Variants in LHCGR observed in about 807,000 individuals in gnomAD.
LHCGR encodes luteinizing hormone/choriogonadotropin receptor, also known as lutropin-choriogonadotropic hormone receptor.
A neutral mutation model predicts 60.7 loss-of-function variants in LHCGR; 55 were observed. The ratio of observed to expected loss-of-function variants is 0.91; its 90% CI spans 0.73 to 1.13. LHCGR has a LOEUF of 1.13. Ranked by LOEUF, LHCGR falls within the 50% of genes most tolerant of loss-of-function variation. The pLI is 0.00. For missense variants in LHCGR, 862 were observed against 836.0 expected, an observed-to-expected ratio of 1.03 and a Z score of -0.38; for synonymous variants, 337 against 316.5, an observed-to-expected ratio of 1.06 and a Z score of -0.69.
intron 8 of LHCGR, among the ~76,000 whole-genome samples, chr2:48,700,640 A>G (rs1667362089): frequency 6.6e-6 from 1 of 152,222 alleles, no homozygotes; most frequent in South Asian, 2.1e-4. Flanking sequence ...AGCTTGCTGT[A>G]ACAGCTCTGC....
intron 6 of LHCGR, chr2:48,721,684 A>T (rs1278341787): frequency 2.1e-6 from 1 of 471,096 alleles, no homozygotes; most frequent in East Asian, 6.9e-5. Context: ...TTTGCTTCAC[A>T]TCTATCTCTT....
chr2:48,707,133 C>T (rs1013990757), intron 8 of LHCGR, among the ~76,000 whole-genome samples: 2 of 152,146 alleles, frequency 1.3e-5, no homozygotes, highest in Non-Finnish European at 2.9e-5. Flanking sequence ...GTGAGTTTTC[C>T]TTCTAACAGT....
intron 6 of LHCGR, among the ~76,000 whole-genome samples, chr2:48,717,526 T>A (rs1668304174): frequency 6.6e-6 from 1 of 151,438 alleles, no homozygotes. Context: ...ATACAATAAA[T>A]GCTTAATGTG....
Position 48,688,246 on chromosome 2 carries a change from C to T in LHCGR, c.1551G>A (p.Met517Ile). The T allele has an allele frequency of 1.2e-6, 2 of 1,614,040 alleles. No homozygotes were observed. Among genetic ancestry groups the T allele is most frequent in the Non-Finnish European group, 1.7e-6 (2 of 1,179,964 alleles). Reference protein sequence around the residue: ...NYMKVSICFPMDVETTLSQVY... With the variant: ...NYMKVSICFPIDVETTLSQVY... ...CTTGTGAGAGAGTGGTTTCCACATC[C>T]ATGGGGAAGCAAATACTGACCTTCA... Residue 517 changes from methionine to isoleucine, a missense_variant, in exon 11 of 11, where the codon ATG becomes ATA. Transcript: ENST00000294954. The surrounding 1 kb of genome is among the most constrained non-coding windows in gnomAD (Gnocchi z 5.2).
At chr2:48,705,973 A>G (rs548661546) in intron 8 of LHCGR, among the ~76,000 whole-genome samples, 21 of 152,156 alleles carry the variant, frequency 1.4e-4, no homozygotes, top group Non-Finnish European at 1.5e-5. Context: ...TAGTTGATGC[A>G]GTTTCTTCAT....
intron 1 of LHCGR, among the ~76,000 whole-genome samples, chr2:48,739,107 A>G (rs1246143406): frequency 6.6e-6 from 1 of 152,230 alleles, no homozygotes; most frequent in Non-Finnish European, 1.5e-5. Flanking sequence ...CAAAACCACA[A>G]TGAGATACCA....
intron 10 of LHCGR, among the ~76,000 whole-genome samples, chr2:48,693,666 G>A (rs1666972337): frequency 6.6e-6 from 1 of 152,206 alleles, no homozygotes; most frequent in South Asian, 2.1e-4. Context: ...GAAGATAAGT[G>A]AAATGCCAAG....
chr2:48,698,088 G>T (rs1421400535), intron 9 of LHCGR, among the ~76,000 whole-genome samples: 1 of 152,144 alleles, frequency 6.6e-6, no homozygotes, highest in Non-Finnish European at 1.5e-5. Context: ...AACCATGCAG[G>T]AGCTCCTTCC....
chr2:48,737,935 G>A (rs1260392950), intron 1 of LHCGR, among the ~76,000 whole-genome samples: 2 of 152,174 alleles, frequency 1.3e-5, no homozygotes, highest in African/African-American at 4.8e-5. Context: ...GCAATTCAGA[G>A]GCAGATCTGG....
intron 8 of LHCGR, among the ~76,000 whole-genome samples, chr2:48,704,067 T>C (rs1667541171): frequency 6.6e-6 from 1 of 152,242 alleles, no homozygotes. Flanking sequence ...ATTCCATAAA[T>C]ACCTAGTTTA....
intron 1 of LHCGR, among the ~76,000 whole-genome samples, chr2:48,743,926 A>G (rs1324403910): frequency 6.6e-6 from 1 of 151,300 alleles, no homozygotes. Flanking sequence ...AGACGACGTG[A>G]TTGTATATCT....
At position 48,694,210 on chromosome 2, in the gene LHCGR, A is replaced by C; in HGVS notation, c.947+14T>G. The C allele has an allele frequency of 6.9e-7, 1 of 1,443,662 alleles. No individual in the cohort carries two copies. The highest frequency in any genetic ancestry group is 9.7e-7 in the Non-Finnish European group (1 of 1,030,660). 89.4% of individuals were successfully genotyped at this position (1,443,662 alleles called of 1,614,324 possible). A position where few individuals can be genotyped will look rare whatever the true frequency, so the allele number is the denominator to read the frequency against. ...AGATACGACTTCTGAGTTTCCTTGC[A>C]TGCAAATACTTACAGTGTTTTGTTA... On this transcript the variant is annotated intron_variant, in intron 10 of 10. Coordinates refer to ENST00000294954, the MANE Select transcript of LHCGR (RefSeq NM_000233.4).
intron 8 of LHCGR, among the ~76,000 whole-genome samples, chr2:48,701,957 G>A (rs1667431507): frequency 6.6e-6 from 1 of 152,152 alleles, no homozygotes; most frequent in African/African-American, 2.4e-5. Context: ...TCTCACTAAG[G>A]GCAAGGACCA....
rs188359114 is a variant in LHCGR at position 48,745,401 on chromosome 2, G to A, written c.161+10110C>T. The stretch of plus-strand genomic sequence containing the variant: ...GCTATAAAGACACATGCACACATAT[G>A]TTTATTGTGGCATTATTCACAATAG... On this transcript the variant is annotated intron_variant, in intron 1 of 10. Transcript: ENST00000294954. 3.7e-3 allele frequency among the ~76,000 whole-genome samples: 562 copies of A among 152,264 alleles called. 6 individuals carry two copies. The highest frequency in any genetic ancestry group is 0.013 in the African/African-American group (538 of 41,542).
At chr2:48,742,870 CA>C (rs1471090558) in intron 1 of LHCGR, among the ~76,000 whole-genome samples, 1 of 151,852 alleles carries the variant, frequency 6.6e-6, no homozygotes, top group African/African-American at 2.4e-5. Context: ...CATAGAGACA[CA>C]AAAAACCCTT....
chr2:48,714,067 G>A lies in LHCGR; in HGVS notation c.537-13C>T, dbSNP rs373348803. 3 of 1,603,956 alleles carry A rather than the reference G, an allele frequency of 1.9e-6. No individual in the cohort carries two copies. Among genetic ancestry groups the A allele is most frequent in the African/African-American group, 2.7e-5 (2 of 74,690 alleles). On this transcript the variant is annotated splice_polypyrimidine_tract_variant and intron_variant, in intron 6 of 10. Transcript: ENST00000294954. ...TCCATATAGTTTGCTGAAGGAGGGA[G>A]GAGAGGGTTTAGGAATGGGAAGAAA...
At chr2:48,752,985 G>GGT (rs1670036218) in intron 1 of LHCGR, among the ~76,000 whole-genome samples, 1 of 103,450 alleles carries the variant, frequency 9.7e-6, no homozygotes, top group Non-Finnish European at 2.0e-5. Flanking sequence ...TTTTGGCGGG[G>GGT]GGGGGGGGGG....
At chr2:48,747,473 A>G (rs971076071) in intron 1 of LHCGR, among the ~76,000 whole-genome samples, 1 of 152,166 alleles carries the variant, frequency 6.6e-6, no homozygotes, top group East Asian at 1.9e-4. Flanking sequence ...AACCATTATG[A>G]GGTTGCCTGT....
intron 1 of LHCGR, among the ~76,000 whole-genome samples, chr2:48,748,397 C>T (rs1196291584): frequency 6.6e-6 from 1 of 152,066 alleles, no homozygotes; most frequent in African/African-American, 2.4e-5. Flanking sequence ...TTTAGCTGGG[C>T]AGACAGGACC....
Sources: gnomAD v4.1 joint callset for allele counts (sites outside exome capture counted in the v4.1 genomes callset) on GRCh38, gnomAD v4.1.1 for gene constraint, Gnocchi (gnomAD v3.1) non-coding constraint, MANE v1.5 for transcripts, NCBI Gene and HGNC (gene_info 2026-07-23, HGNC 2026-07-21) for gene names.